The following OPTN variants were observed in gnomAD, a reference collection of about 807,000 sequenced individuals.
The protein encoded by OPTN is optineurin, also known as E3-14.7K-interacting protein.
OPTN carries 54 observed loss-of-function variants against 70.4 expected under a neutral mutation model. That is an observed-to-expected ratio of 0.77 (90% CI 0.62 to 0.96). The LOEUF is 0.96. Ranked by LOEUF, OPTN falls within the 40% of genes least tolerant of loss-of-function variation. OPTN has a pLI of 0.00. For synonymous variants in OPTN, 256 were observed against 248.5 expected (o/e 1.03, Z -0.28); for missense variants, 624 against 673.2 (o/e 0.93, Z 0.81).
At chr10:13,115,251 ATT>A in intron 5 of OPTN, among the ~76,000 whole-genome samples, 1 of 105,082 alleles carries the variant, frequency 9.5e-6, no homozygotes, top group African/African-American at 4.0e-5. Context: ...ATATATCTAT[ATT>A]TATATCTATA....
At chr10:13,126,154 T>A in intron 11 of OPTN, 115 bp downstream of exon 11, 1 of 708,986 alleles carries the variant, frequency 1.4e-6, no homozygotes, top group Admixed American at 2.2e-5. Context: ...AAAGGTTGTT[T>A]TCCAATGTAT....
chr10:13,133,395 G>A (rs904935267), intron 13 of OPTN, 107 bp from the exon 14 acceptor site: 38 of 910,636 alleles, frequency 4.2e-5, no homozygotes, highest in South Asian at 3.0e-4. Flanking sequence ...AACCTTGGCA[G>A]TGTAGTTTGA....
intron 2 of OPTN, among the ~76,000 whole-genome samples, chr10:13,108,564 T>A (rs1377374251): frequency 6.6e-6 from 1 of 151,034 alleles, no homozygotes; most frequent in Non-Finnish European, 1.5e-5. Flanking sequence ...TTTTTTGGTT[T>A]GAGACGGAGT....
intron 10 of OPTN, among the ~76,000 whole-genome samples, 174 bp downstream of exon 10, chr10:13,125,741 A>C (rs1162602791): frequency 6.6e-6 from 1 of 152,198 alleles, no homozygotes; most frequent in African/African-American, 2.4e-5. Context: ...GTTTTGTCAT[A>C]ATAAAATTAT....
At chr10:13,117,194 C>T (rs528185200) in intron 6 of OPTN, among the ~76,000 whole-genome samples, 129 of 150,406 alleles carry the variant, frequency 8.6e-4, no homozygotes, top group African/African-American at 2.5e-3. Context: ...CATTCTCCTG[C>T]CTTAGCCTCC....
Position 13,122,653 on chromosome 10 carries a change from G to A in OPTN, c.882+166G>A, listed in dbSNP as rs377161314. On this transcript the variant is annotated intron_variant, in intron 8 of 14. Transcript: ENST00000378747. Reference sequence around the variant, plus strand: ...TTTATATGTCCTTGTCCTGCTCTGTGTCAATTGTAGCGAGATGTATTTCTT... The same window carrying A: ...TTTATATGTCCTTGTCCTGCTCTGTATCAATTGTAGCGAGATGTATTTCTT... Among the ~76,000 whole-genome samples, 14 of 152,256 alleles carry A rather than the reference G, an allele frequency of 9.2e-5. 2 individuals are homozygous for A. The highest frequency in any genetic ancestry group is 3.9e-4 in the Admixed American group (6 of 15,290).
At chr10:13,118,748 G>C (rs778779114) in intron 6 of OPTN, 140 bp from the exon 7 acceptor site, 8 of 775,274 alleles carry the variant, frequency 1.0e-5, no homozygotes, top group Non-Finnish European at 1.8e-5. Flanking sequence ...GACCAGCTGT[G>C]CTTGTTCACT....
intron 14 of OPTN, among the ~76,000 whole-genome samples, chr10:13,136,004 T>C (rs1435410659): frequency 6.6e-6 from 1 of 151,922 alleles, no homozygotes; most frequent in Non-Finnish European, 1.5e-5. Context: ...CTGGGCAACA[T>C]AGTGAGATCC....
chr10:13,125,717 G>A (rs902939526), intron 10 of OPTN, 150 bp downstream of exon 10: 3 of 932,204 alleles, frequency 3.2e-6, no homozygotes, highest in African/African-American at 1.7e-5. Context: ...CAGAGAGGGG[G>A]ATAAAATTTA....
At chr10:13,103,229 A>G (rs1832787772) in intron 1 of OPTN, among the ~76,000 whole-genome samples, 1 of 152,228 alleles carries the variant, frequency 6.6e-6, no homozygotes, top group African/African-American at 2.4e-5. Context: ...ATGCAATGTT[A>G]GAATCTTACC....
rs1249276268 is a variant in OPTN at position 13,137,209 on chromosome 10, G to A, written c.*343G>A. 4.9e-6 allele frequency: 2 copies of A among 412,362 alleles called. No individual in the cohort carries two copies. Among genetic ancestry groups the A allele is most frequent in the African/African-American group, 2.0e-5 (1 of 49,752 alleles). 25.5% of individuals were successfully genotyped at this position (412,362 alleles called of 1,614,324 possible). A position where few individuals can be genotyped will look rare whatever the true frequency, so the allele number is the denominator to read the frequency against. On this transcript the variant is annotated 3_prime_UTR_variant, in exon 15 of 15. Transcript: ENST00000378747. ...CAGGAGAATTGCTTGAACCCAGGAA[G>A]TGGCAGTTGCAGTGAGCCGAGACGA...
chr10:13,114,027 G>A (rs942538565), intron 5 of OPTN, among the ~76,000 whole-genome samples: 34 of 151,918 alleles, frequency 2.2e-4, no homozygotes, highest in African/African-American at 2.2e-4. Flanking sequence ...TGATTGTGCC[G>A]CTGCACTCCA....
At chr10:13,113,737 G>A (rs911059640) in intron 5 of OPTN, among the ~76,000 whole-genome samples, 1 of 152,086 alleles carries the variant, frequency 6.6e-6, no homozygotes, top group Middle Eastern at 3.2e-3. Flanking sequence ...GGTCACTTTC[G>A]ATGAGTCAGA....
rs934930923 is a variant in OPTN at position 13,131,942 on chromosome 10, G to A, written c.1402-125G>A. ...ATGGTCATTATACTGTTTTCTAGCA[G>A]GATTGTGCATCTGTGATTCACAAGG... On this transcript the variant is annotated intron_variant, in intron 12 of 14. Transcript: ENST00000378747. 1.5e-5 allele frequency: 13 copies of A among 896,040 alleles called. No individual in the cohort carries two copies. Among genetic ancestry groups the A allele is most frequent in the Middle Eastern group, 3.0e-4 (1 of 3,328 alleles). 55.5% of individuals were successfully genotyped at this position (896,040 alleles called of 1,614,324 possible).
In OPTN at chr10:13,124,130, T is replaced by G; in HGVS notation, c.998+20T>G. The G allele has an allele frequency of 7.4e-7, 1 of 1,344,638 alleles. No homozygotes were observed. Among genetic ancestry groups the G allele is most frequent in the Non-Finnish European group, 1.1e-6 (1 of 939,984 alleles). The allele number at this position is 1,344,638 out of a possible 1,614,324, so 83.3% of individuals were successfully genotyped here. On this transcript the variant is annotated intron_variant, in intron 9 of 14. Transcript: ENST00000378747. ...AGAAAAGTAAGAATGAGAGAGCAAT[T>G]TTATCCTCCTTTGAAATATACATTT...
chr10:13,132,283 C>T lies in OPTN; in HGVS notation c.1532+86C>T, dbSNP rs376146076. ...TGTCCAAAGACGTTCCTGATTTGAA[C>T]TATAAGAATAGCTGTGTTCGCGCCA... On this transcript the variant is annotated intron_variant, in intron 13 of 14. Coordinates refer to ENST00000378747, the MANE Select transcript of OPTN (RefSeq NM_001008212.2). 13 of 1,515,460 alleles carry T rather than the reference C, an allele frequency of 8.6e-6. No homozygotes were observed. In the African/African-American group the frequency reaches 9.6e-5, roughly 11 times the overall value. 93.9% of individuals were successfully genotyped at this position (1,515,460 alleles called of 1,614,324 possible). A position where few individuals can be genotyped will look rare whatever the true frequency, so the allele number is the denominator to read the frequency against.
intron 11 of OPTN, among the ~76,000 whole-genome samples, chr10:13,127,431 C>T (rs1267811412): frequency 2.0e-5 from 3 of 152,212 alleles, no homozygotes; most frequent in Non-Finnish European, 2.9e-5. Context: ...TCCCTGATTT[C>T]GGTGTTATCA....
chr10:13,112,454 AC>A lies in OPTN; in HGVS notation c.375del (p.Thr126LeufsTer23). 1.9e-6 allele frequency: 3 copies of A among 1,613,612 alleles called. No individual in the cohort carries two copies. The highest frequency in any genetic ancestry group is 2.5e-6 in the Non-Finnish European group (3 of 1,179,876). The stretch of plus-strand genomic sequence containing the variant: ...CACTTTACTCCTTGTCATCTCCAGG[AC>A]CCCACTGATGACTCCAGGCTTCCCA... ...LKGKSERSSE[D>X]PTDDSRLPRA... On this transcript the variant is annotated frameshift_variant and splice_region_variant, in exon 5 of 15. Coordinates refer to ENST00000378747, the MANE Select transcript of OPTN (RefSeq NM_001008212.2). LOFTEE classifies it high-confidence loss of function.
At chr10:13,114,760 GCATATATAATTA>G (rs1330190586) in intron 5 of OPTN, among the ~76,000 whole-genome samples, 12 of 20,814 alleles carry the variant, frequency 5.8e-4, no homozygotes, top group African/African-American at 1.5e-3. Context: ...TTATATAATT[GCATATATAATTA>G]TATAATTATA....
Sources: allele counts gnomAD v4.1 joint callset (sites outside exome capture counted in the v4.1 genomes callset), GRCh38; gene constraint gnomAD v4.1.1; transcripts MANE v1.5; gene names NCBI Gene and HGNC (gene_info 2026-07-23, HGNC 2026-07-21).